Variants in RARB observed in about 807,000 individuals in gnomAD.
RARB encodes the protein retinoic acid receptor beta.
Under a neutral mutation model 51.9 loss-of-function variants are expected in RARB, and 17 were observed. That is an observed-to-expected ratio of 0.33 (90% CI 0.22 to 0.49). RARB has a LOEUF of 0.49. RARB is among the 20% of genes least tolerant of loss of function. RARB has a pLI of 0.99. For synonymous variants in RARB, 215 were observed against 195.4 expected (o/e 1.10, Z -0.84); for missense variants, 369 against 550.8 (o/e 0.67, Z 3.30).
chr3:24,972,060 C>T (rs1253187043), intron 2 of RARB, among the ~76,000 whole-genome samples: 1 of 151,794 alleles, frequency 6.6e-6, no homozygotes, highest in Non-Finnish European at 1.5e-5. Flanking sequence ...TAACTATATT[C>T]AGCCTATGGA....
At chr3:24,841,156 T>G (rs533044844) in intron 1 of RARB, among the ~76,000 whole-genome samples, 35 of 152,366 alleles carry the variant, frequency 2.3e-4, no homozygotes, top group African/African-American at 8.4e-4. Context: ...TTCCCCATTT[T>G]CTTTCTTGAA....
intron 4 of RARB, among the ~76,000 whole-genome samples, chr3:25,578,466 C>T (rs1416326306): frequency 1.3e-5 from 2 of 152,206 alleles, no homozygotes; most frequent in East Asian, 1.9e-4. Context: ...CTTGCTGGGT[C>T]GGGGCAATGT....
intron 5 of RARB, among the ~76,000 whole-genome samples, chr3:25,417,076 A>G (rs1351339002): frequency 2.0e-5 from 3 of 152,158 alleles, no homozygotes; most frequent in Non-Finnish European, 4.4e-5. Flanking sequence ...CCACATAGCC[A>G]GAACAAGCCT....
intron 4 of RARB, among the ~76,000 whole-genome samples, chr3:25,143,137 G>C (rs1338663727): frequency 1.3e-5 from 2 of 151,994 alleles, no homozygotes; most frequent in Non-Finnish European, 2.9e-5. Flanking sequence ...TGCTCTTTTT[G>C]CCATTCAGGA....
chr3:25,279,337 T>A (rs1703467331), intron 5 of RARB, among the ~76,000 whole-genome samples: 1 of 152,188 alleles, frequency 6.6e-6, no homozygotes. Context: ...CCTCTTGTCC[T>A]GTTTTCTTTT....
chr3:25,329,797 A>C (rs1262393882), intron 5 of RARB, among the ~76,000 whole-genome samples: 1 of 152,182 alleles, frequency 6.6e-6, no homozygotes, highest in Non-Finnish European at 1.5e-5. Context: ...TAACTAGAAT[A>C]ACCAGTGTAG....
At chr3:25,156,118 G>A (rs920776393) in intron 4 of RARB, among the ~76,000 whole-genome samples, 1 of 151,746 alleles carries the variant, frequency 6.6e-6, no homozygotes, top group African/African-American at 2.4e-5. Flanking sequence ...AGCATCAATA[G>A]TAGTTAATAG....
intron 2 of RARB, among the ~76,000 whole-genome samples, chr3:24,940,321 A>G (rs17015506): frequency 0.015 from 2,332 of 152,256 alleles, 49 homozygotes; most frequent in Admixed American, 0.042. Flanking sequence ...TGGGCTCAAA[A>G]AAGACTCAGG....
At chr3:24,986,083 G>T (rs1205849388) in intron 2 of RARB, among the ~76,000 whole-genome samples, 1 of 152,214 alleles carries the variant, frequency 6.6e-6, no homozygotes, top group Non-Finnish European at 1.5e-5. Flanking sequence ...CTAGAGTGGT[G>T]ACAAGCTGGT....
chr3:25,211,365 G>C (rs1057239308), intron 5 of RARB, among the ~76,000 whole-genome samples: 9 of 152,218 alleles, frequency 5.9e-5, no homozygotes, highest in African/African-American at 2.2e-4. Context: ...AAAGACGCAG[G>C]AAAGAATGTT....
At chr3:25,112,845 T>C (rs1699625678) in intron 3 of RARB, among the ~76,000 whole-genome samples, 2 of 152,184 alleles carry the variant, frequency 1.3e-5, no homozygotes, top group Admixed American at 6.5e-5. Context: ...CGATATTCTA[T>C]TTTGAGGGCA....
intron 3 of RARB, among the ~76,000 whole-genome samples, chr3:25,072,950 G>A (rs1333005066): frequency 3.9e-5 from 6 of 151,918 alleles, no homozygotes; most frequent in Non-Finnish European, 5.9e-5. Context: ...CACCCACCTC[G>A]GACTCCGAAA....
chr3:25,030,183 A>G (rs1038595843), intron 2 of RARB, among the ~76,000 whole-genome samples: 6 of 152,224 alleles, frequency 3.9e-5, no homozygotes, highest in African/African-American at 1.2e-4. Context: ...AGCCTGTGCA[A>G]GATTGAGAAA....
chr3:25,021,411 G>A (rs1207594186), intron 2 of RARB, among the ~76,000 whole-genome samples: 1 of 151,792 alleles, frequency 6.6e-6, no homozygotes, highest in African/African-American at 2.4e-5. Context: ...AATACCATAA[G>A]ATCTCTGCTT....
Position 25,199,692 on chromosome 3 carries a change from A to G in RARB, c.178+25117A>G, listed in dbSNP as rs146652646. ...TTCCCACCTATGAGTGAGAACATGC[A>G]GTGTTTGGTTTCTTGACCTTGCGAT... On this transcript the variant is annotated intron_variant, in intron 5 of 11. Coordinates refer to the RARB transcript ENST00000383772. 2.6e-5 allele frequency among the ~76,000 whole-genome samples: 4 copies of G among 151,956 alleles called. No individual in the cohort carries two copies. In the South Asian group the frequency reaches 6.2e-4, roughly 24 times the overall value.
At chr3:25,596,342 T>C (rs1054748496) in intron 7 of RARB, 78 bp from the exon 8 acceptor site, 1 of 1,150,518 alleles carries the variant, frequency 8.7e-7, no homozygotes, top group Non-Finnish European at 1.2e-6. Flanking sequence ...TGTTAAAATA[T>C]ATGAAAATTG....
intron 2 of RARB, among the ~76,000 whole-genome samples, chr3:25,048,285 C>T (rs1267717422): frequency 3.3e-5 from 5 of 152,072 alleles, no homozygotes; most frequent in Admixed American, 2.0e-4. Context: ...GTGATTTGGG[C>T]CATCTAAGTT....
At chr3:24,892,219 A>AG (rs1491299979) in intron 2 of RARB, among the ~76,000 whole-genome samples, 2 of 113,366 alleles carry the variant, frequency 1.8e-5, no homozygotes, top group African/African-American at 2.9e-5. Flanking sequence ...ATGCCCTCTT[A>AG]GAAAAAAAAA....
At chr3:25,529,909 A>C (rs1007140788) in intron 3 of RARB, among the ~76,000 whole-genome samples, 1 of 152,224 alleles carries the variant, frequency 6.6e-6, no homozygotes, top group Non-Finnish European at 1.5e-5. Flanking sequence ...AGTGATTTTT[A>C]AAACCCCTCA....
Sources: allele counts gnomAD v4.1 joint callset (sites outside exome capture counted in the v4.1 genomes callset), GRCh38; gene constraint gnomAD v4.1.1; transcripts MANE v1.5; gene names NCBI Gene and HGNC (gene_info 2026-07-23, HGNC 2026-07-21).